The following RTN4 variants were observed in gnomAD, a reference collection of about 807,000 sequenced individuals.
The protein encoded by RTN4 is reticulon 4, also known as reticulon-4.
A neutral mutation model predicts 90.4 loss-of-function variants in RTN4; 32 were observed. The ratio of observed to expected loss-of-function variants is 0.35; its 90% CI spans 0.27 to 0.48. RTN4 has a LOEUF of 0.48. RTN4 is among the 20% of genes least tolerant of loss of function. The pLI, the probability that RTN4 is intolerant of heterozygous loss-of-function variation, is 0.99. For synonymous variants in RTN4, 629 were observed against 552.5 expected, an observed-to-expected ratio of 1.14 and a Z score of -1.94; for missense variants, 1,706 against 1,430.2, an observed-to-expected ratio of 1.19 and a Z score of -3.11.
chr2:55,112,190 G>GATGAT (rs1343692989), intron 1 of RTN4, among the ~76,000 whole-genome samples: 2 of 152,224 alleles, frequency 1.3e-5, no homozygotes, highest in African/African-American at 4.8e-5. Flanking sequence ...ACTGGGCTGA[G>GATGAT]ATGATGGTGG....
At chr2:55,112,013 C>T (rs1271563919) in intron 1 of RTN4, among the ~76,000 whole-genome samples, 5 of 152,114 alleles carry the variant, frequency 3.3e-5, no homozygotes, top group African/African-American at 4.8e-5. Flanking sequence ...GCTCCAATGG[C>T]GACACTCAAG....
chr2:55,126,135 G>A, the RTN4 span, among the ~76,000 whole-genome samples: 1 of 151,532 alleles, frequency 6.6e-6, no homozygotes, highest in South Asian at 2.1e-4. Flanking sequence ...AGGCCAAGGA[G>A]GGCAGATCAC....
chr2:54,983,348 T>TA (rs1264445842), intron 4 of RTN4, among the ~76,000 whole-genome samples: 1 of 148,438 alleles, frequency 6.7e-6, no homozygotes, highest in Non-Finnish European at 1.5e-5. Context: ...AATAAATAAA[T>TA]AAATAAAAAT....
intron 2 of RTN4, among the ~76,000 whole-genome samples, 189 bp downstream of exon 2, chr2:55,027,975 C>G (rs551157870): frequency 9.9e-5 from 15 of 152,266 alleles, no homozygotes; most frequent in African/African-American, 3.6e-4. Flanking sequence ...TCCAAGTATT[C>G]ATCAGATTTT....
At chr2:55,000,504 A>T (rs932739490) in intron 3 of RTN4, among the ~76,000 whole-genome samples, 1 of 152,202 alleles carries the variant, frequency 6.6e-6, no homozygotes, top group African/African-American at 2.4e-5. Context: ...CAAAATTTCT[A>T]TACTTCCCCT....
intron 1 of RTN4, among the ~76,000 whole-genome samples, chr2:55,089,785 C>T (rs1668904834): frequency 1.3e-5 from 2 of 152,216 alleles, no homozygotes. Flanking sequence ...GCACTGTGGT[C>T]CTTGTGCCTG....
intron 1 of RTN4, among the ~76,000 whole-genome samples, chr2:55,081,054 T>TTTCTTTCA (rs971185398): frequency 2.0e-5 from 3 of 152,246 alleles, no homozygotes; most frequent in East Asian, 1.9e-4. Flanking sequence ...CCTTCCTTTC[T>TTTCTTTCA]TTCTTTCATT....
chr2:55,119,206 T>A, the RTN4 span, among the ~76,000 whole-genome samples: 1 of 152,218 alleles, frequency 6.6e-6, no homozygotes, highest in Non-Finnish European at 1.5e-5. Context: ...TTGAAACGTT[T>A]TTTTCCTTAT....
At chr2:54,997,319 C>T (rs1679507907) in intron 3 of RTN4, among the ~76,000 whole-genome samples, 1 of 152,172 alleles carries the variant, frequency 6.6e-6, no homozygotes, top group East Asian at 1.9e-4. Context: ...CCACTTCATA[C>T]CCCCTAGGAT....
At chr2:55,118,989 G>A in the RTN4 span, among the ~76,000 whole-genome samples, 1 of 152,228 alleles carries the variant, frequency 6.6e-6, no homozygotes, top group African/African-American at 2.4e-5. Context: ...GCTGATTTGT[G>A]TGTGAAGAAG....
chr2:54,988,646 C>T (rs1343262916), intron 3 of RTN4, among the ~76,000 whole-genome samples: 1 of 152,084 alleles, frequency 6.6e-6, no homozygotes, highest in Admixed American at 6.5e-5. Flanking sequence ...AAACAAACAG[C>T]CTTTCGATTA....
chr2:55,119,888 C>G, the RTN4 span, among the ~76,000 whole-genome samples: 16 of 152,366 alleles, frequency 1.1e-4, no homozygotes, highest in African/African-American at 3.6e-4. Flanking sequence ...CATTGACCAG[C>G]TGGCTTCTCA....
chr2:55,048,872 T>A (rs1667928822), intron 1 of RTN4, among the ~76,000 whole-genome samples: 1 of 152,168 alleles, frequency 6.6e-6, no homozygotes, highest in Admixed American at 6.5e-5. Flanking sequence ...TTGCCTTTTA[T>A]TTTTTTCTGT....
intron 2 of RTN4, among the ~76,000 whole-genome samples, chr2:55,071,422 A>G (rs1197574240): frequency 3.3e-5 from 5 of 151,944 alleles, no homozygotes; most frequent in East Asian, 1.9e-4. Flanking sequence ...TAACTAAGTC[A>G]TTACGGTCTT....
At position 54,987,637 on chromosome 2, in the gene RTN4, T is replaced by C. The variant is rs775420482; in HGVS notation, c.3075A>G (p.Leu1025=). Residue 1025 remains leucine, a synonymous_variant, in exon 4 of 9, where the codon CTA becomes CTG. Coordinates refer to ENST00000337526, the MANE Select transcript of RTN4 (RefSeq NM_020532.5). ...KKTGVVFGAS[L]FLLLSLTVFS... is the part of the protein sequence containing the mutation. The stretch of plus-strand genomic sequence containing the variant: ...ATACTGTCAATGAAAGCAGCAGGAA[T>C]AGGCTGGCACCAAACACCACTCCAG... 6.2e-6 allele frequency: 10 copies of C among 1,614,078 alleles called. No homozygotes were observed. In the East Asian group the frequency reaches 8.9e-5, roughly 14 times the overall value.
chr2:55,099,050 G>C (rs983505719), intron 1 of RTN4, among the ~76,000 whole-genome samples: 4 of 152,032 alleles, frequency 2.6e-5, no homozygotes, highest in African/African-American at 9.7e-5. Context: ...TCTCCTTAAG[G>C]CCTAGATCTA....
intron 3 of RTN4, among the ~76,000 whole-genome samples, chr2:55,023,424 A>C (rs1681594836): frequency 6.6e-6 from 1 of 152,166 alleles, no homozygotes; most frequent in African/African-American, 2.4e-5. Context: ...TGCTTTAAAG[A>C]ACAAACATAA....
chr2:55,043,451 G>A (rs1160746337), intron 1 of RTN4, among the ~76,000 whole-genome samples: 1 of 152,098 alleles, frequency 6.6e-6, no homozygotes, highest in African/African-American at 2.4e-5. Context: ...GTTGCTTGAA[G>A]GTATATTATG....
At chr2:55,088,749 G>C (rs1410635758) in intron 1 of RTN4, among the ~76,000 whole-genome samples, 1 of 152,176 alleles carries the variant, frequency 6.6e-6, no homozygotes, top group Non-Finnish European at 1.5e-5. Flanking sequence ...CAAAAAAGCA[G>C]AGATGGATCA....
Sources: allele counts gnomAD v4.1 joint callset (sites outside exome capture counted in the v4.1 genomes callset), GRCh38; gene constraint gnomAD v4.1.1; transcripts MANE v1.5; gene names NCBI Gene and HGNC (gene_info 2026-07-23, HGNC 2026-07-21).